The following CDH12 variants were observed in gnomAD, a reference collection of about 807,000 sequenced individuals.
CDH12 encodes cadherin-12.
CDH12 carries 41 observed loss-of-function variants against 74.1 expected under a neutral mutation model. The ratio of observed to expected loss-of-function variants is 0.55; its 90% CI spans 0.43 to 0.72. The LOEUF is 0.72. Among genes scored for constraint, CDH12 ranks in the 30% least tolerant of loss-of-function variants. The probability of loss-of-function intolerance (pLI) is 0.00; values close to 1 mark genes in which losing one functional copy is unlikely to be tolerated. For missense variants in CDH12, 945 were observed against 977.2 expected (o/e 0.97, Z 0.44); for synonymous variants, 399 against 355.0 (o/e 1.12, Z -1.39).
chr5:22,237,891 G>A (rs4365817), intron 3 of CDH12, among the ~76,000 whole-genome samples: 140,538 of 152,256 alleles, frequency 0.92, 65,197 homozygotes, highest in Non-Finnish European at 0.97. Flanking sequence ...GATGGCAAAT[G>A]GTCTATAAAA....
chr5:22,786,424 G>T (rs1026055832), intron 1 of CDH12, among the ~76,000 whole-genome samples: 1 of 152,184 alleles, frequency 6.6e-6, no homozygotes. Flanking sequence ...TAGCAGCCTA[G>T]AACTTGGCTG....
At chr5:22,738,334 A>C (rs1424068334) in intron 1 of CDH12, among the ~76,000 whole-genome samples, 1 of 152,088 alleles carries the variant, frequency 6.6e-6, no homozygotes, top group East Asian at 1.9e-4. Context: ...GGTCAGAGAC[A>C]CATGCTTTAG....
intron 4 of CDH12, among the ~76,000 whole-genome samples, chr5:22,185,365 A>T (rs1749884715): frequency 6.6e-6 from 1 of 151,770 alleles, no homozygotes; most frequent in Non-Finnish European, 1.5e-5. Context: ...TGCCTGGCTA[A>T]TTTTTTTTAT....
intron 4 of CDH12, among the ~76,000 whole-genome samples, chr5:22,196,403 A>G (rs1750624042): frequency 6.6e-6 from 1 of 152,010 alleles, no homozygotes; most frequent in Non-Finnish European, 1.5e-5. Context: ...TCGGCCTCCC[A>G]AAGTGCTGGG....
intron 2 of CDH12, among the ~76,000 whole-genome samples, chr5:22,445,381 C>G (rs571051942): frequency 3.3e-5 from 5 of 152,058 alleles, no homozygotes; most frequent in South Asian, 4.1e-4. Context: ...TTTTATTTTC[C>G]CCTGCCCACC....
chr5:22,610,494 C>T (rs1037107810), intron 1 of CDH12, among the ~76,000 whole-genome samples: 5 of 152,006 alleles, frequency 3.3e-5, no homozygotes, highest in African/African-American at 1.2e-4. Context: ...TACTTCCATA[C>T]TTCAGTTATG....
chr5:22,571,134 A>G (rs2126765868), intron 1 of CDH12, among the ~76,000 whole-genome samples: 2 of 152,194 alleles, frequency 1.3e-5, no homozygotes, highest in African/African-American at 4.8e-5. Context: ...GATCTATCCA[A>G]ACCACTCAAA....
intron 1 of CDH12, among the ~76,000 whole-genome samples, chr5:22,850,223 A>G (rs1459192002): frequency 6.6e-6 from 1 of 152,040 alleles, no homozygotes; most frequent in Non-Finnish European, 1.5e-5. Flanking sequence ...TTGAGTAACT[A>G]CTATTGATAT....
chr5:21,978,891 T>A (rs1013777431), intron 5 of CDH12, among the ~76,000 whole-genome samples: 2 of 152,204 alleles, frequency 1.3e-5, no homozygotes, highest in African/African-American at 4.8e-5. Context: ...CGGAAATTGA[T>A]CTCTATCGAT....
At chr5:21,913,449 T>C (rs1277954162) in intron 6 of CDH12, among the ~76,000 whole-genome samples, 2 of 152,042 alleles carry the variant, frequency 1.3e-5, no homozygotes, top group Non-Finnish European at 2.9e-5. Context: ...AAAAAGAGAG[T>C]TCACATAATA....
chr5:22,039,989 G>A (rs1321338397), intron 5 of CDH12, among the ~76,000 whole-genome samples: 1 of 150,428 alleles, frequency 6.6e-6, no homozygotes, highest in Non-Finnish European at 1.5e-5. Flanking sequence ...CAAAGAAAAG[G>A]AAATTATGAC....
intron 1 of CDH12, among the ~76,000 whole-genome samples, chr5:22,668,219 A>G (rs1334618226): frequency 6.6e-6 from 1 of 152,210 alleles, no homozygotes; most frequent in African/African-American, 2.4e-5. Flanking sequence ...CTATAATTAA[A>G]GTTTTATAAA....
At chr5:22,805,313 G>A (rs1162949978) in intron 1 of CDH12, among the ~76,000 whole-genome samples, 2 of 151,816 alleles carry the variant, frequency 1.3e-5, no homozygotes, top group African/African-American at 4.8e-5. Context: ...GCATTGATGT[G>A]GCTGAACTCC....
rs374988606 is a variant in CDH12, at chr5:22,775,438, G to A, written c.-523+77620C>T. 8.8e-4 allele frequency among the ~76,000 whole-genome samples: 133 copies of A among 151,792 alleles called. 6 individuals are homozygous for A. In the South Asian group the frequency reaches 0.027, roughly 30 times the overall value. Reference sequence around the variant, plus strand: ...GAGAAGCCTGGGTCTGTCATGCCAAGGTAACAAACTAAAATTTATCTTTTA... The same window carrying A: ...GAGAAGCCTGGGTCTGTCATGCCAAAGTAACAAACTAAAATTTATCTTTTA... On this transcript the variant is annotated intron_variant, in intron 1 of 14. Coordinates refer to ENST00000382254, the MANE Select transcript of CDH12 (RefSeq NM_004061.5).
chr5:22,014,367 A>G (rs1165728003), intron 5 of CDH12, among the ~76,000 whole-genome samples: 1 of 152,170 alleles, frequency 6.6e-6, no homozygotes, highest in African/African-American at 2.4e-5. Context: ...GTACATGTTC[A>G]CTGACATATA....
At chr5:22,410,356 C>G (rs1743124304) in intron 2 of CDH12, among the ~76,000 whole-genome samples, 1 of 152,074 alleles carries the variant, frequency 6.6e-6, no homozygotes, top group Admixed American at 6.6e-5. Flanking sequence ...ATTATCTGAC[C>G]TATCTTGTTT....
intron 4 of CDH12, among the ~76,000 whole-genome samples, chr5:22,184,098 T>A (rs1475337457): frequency 6.6e-6 from 1 of 152,132 alleles, no homozygotes; most frequent in Non-Finnish European, 1.5e-5. Context: ...AGGGTATGAA[T>A]TTAGATAAGG....
chr5:22,123,507 G>A (rs1417754053), intron 4 of CDH12, among the ~76,000 whole-genome samples: 1 of 152,078 alleles, frequency 6.6e-6, no homozygotes, highest in Non-Finnish European at 1.5e-5. Context: ...TTAGCAACTG[G>A]GTATGTAGTC....
At chr5:22,251,326 A>G (rs1348440586) in intron 3 of CDH12, among the ~76,000 whole-genome samples, 1 of 152,164 alleles carries the variant, frequency 6.6e-6, no homozygotes, top group Non-Finnish European at 1.5e-5. Flanking sequence ...ACAGGTTCAG[A>G]TAAAGTATAG....
Sources: allele counts gnomAD v4.1 joint callset (sites outside exome capture counted in the v4.1 genomes callset), GRCh38; gene constraint gnomAD v4.1.1; transcripts MANE v1.5; gene names NCBI Gene and HGNC (gene_info 2026-07-23, HGNC 2026-07-21).